Variants in KYAT3 observed in about 807,000 individuals in gnomAD.
KYAT3 encodes the protein kynurenine--oxoglutarate transaminase 3.
In KYAT3, 50 loss-of-function variants were observed where a neutral mutation model predicts 59.0. The ratio of observed to expected loss-of-function variants is 0.85; its 90% CI spans 0.68 to 1.07. The LOEUF is 1.07. Among genes scored for constraint, KYAT3 ranks in the 50% least tolerant of loss-of-function variants. The probability of loss-of-function intolerance (pLI) is 0.00; values close to 1 mark genes in which losing one functional copy is unlikely to be tolerated. For synonymous variants in KYAT3, 148 were observed against 177.0 expected, an observed-to-expected ratio of 0.84 and a Z score of 1.30; for missense variants, 497 against 533.3, an observed-to-expected ratio of 0.93 and a Z score of 0.67.
intron 9 of KYAT3, 92 bp downstream of exon 9, chr1:88,955,057 T>C (rs947640847): frequency 3.6e-5 from 30 of 844,548 alleles, no homozygotes; most frequent in African/African-American, 6.8e-5. Flanking sequence ...TGAGCCACCA[T>C]GCCTGGCCAG....
At chr1:88,974,801 C>T (rs374484059) in intron 2 of KYAT3, among the ~76,000 whole-genome samples, 2 of 152,022 alleles carry the variant, frequency 1.3e-5, no homozygotes, top group East Asian at 3.9e-4. Context: ...CAAATCAGCA[C>T]TCTGTGTCTA....
the KYAT3 span, among the ~76,000 whole-genome samples, chr1:88,928,711 TGCTAGACCATTGAGG>T: frequency 6.6e-6 from 1 of 152,226 alleles, no homozygotes; most frequent in South Asian, 2.1e-4. Context: ...GCCCCAGGTA[TGCTAGACCATTGAGG>T]GCCAGGAGGT....
the KYAT3 span, among the ~76,000 whole-genome samples, chr1:88,929,171 A>G: frequency 6.6e-6 from 1 of 152,174 alleles, no homozygotes; most frequent in African/African-American, 2.4e-5. Context: ...CAAGGACTCC[A>G]AAAGATTGTT....
At chr1:88,944,980 A>G (rs1675381737) in intron 11 of KYAT3, among the ~76,000 whole-genome samples, 1 of 152,076 alleles carries the variant, frequency 6.6e-6, no homozygotes, top group Non-Finnish European at 1.5e-5. Context: ...AGTAGCTAGG[A>G]TTACAGGTAT....
Position 88,975,818 on chromosome 1 carries a change from T to C in KYAT3, c.100-6351A>G, listed in dbSNP as rs532196258. Among the ~76,000 whole-genome samples the C allele has an allele frequency of 2.6e-5, 4 of 151,502 alleles. No individual in the cohort carries two copies. The South Asian group carries it at 8.4e-4, about 32-fold the overall frequency. On this transcript the variant is annotated intron_variant, in intron 2 of 13. Coordinates refer to ENST00000260508, the MANE Select transcript of KYAT3 (RefSeq NM_001008661.3). ...GGGAGGCTGGGGTGGGTGGACCACC[T>C]GAGGTCAGGAGTTCAAGACCATCCT...
At chr1:88,926,314 A>T in the KYAT3 span, among the ~76,000 whole-genome samples, 1 of 152,140 alleles carries the variant, frequency 6.6e-6, no homozygotes, top group Non-Finnish European at 1.5e-5. Flanking sequence ...CCTAGGAGGA[A>T]CTCCCTTCAG....
chr1:88,960,581 A>G (rs1405760721), intron 8 of KYAT3, among the ~76,000 whole-genome samples: 1 of 152,186 alleles, frequency 6.6e-6, no homozygotes, highest in Non-Finnish European at 1.5e-5. Context: ...GGATATTTGA[A>G]GTCAGGTGGA....
At chr1:88,967,095 CAT>C (rs1408051685) in intron 4 of KYAT3, among the ~76,000 whole-genome samples, 9 of 152,066 alleles carry the variant, frequency 5.9e-5, no homozygotes, top group African/African-American at 2.2e-4. Context: ...TGCACACACA[CAT>C]ATCTGGATTT....
chr1:88,947,693 C>A (rs1329598352), intron 11 of KYAT3, among the ~76,000 whole-genome samples: 2 of 152,192 alleles, frequency 1.3e-5, no homozygotes, highest in Non-Finnish European at 1.5e-5. Flanking sequence ...GAGAGACAGA[C>A]CTGAAGACCA....
At chr1:88,934,013 C>T (rs905299741), downstream of KYAT3, among the ~76,000 whole-genome samples, 7 of 152,156 alleles carry the variant, frequency 4.6e-5, no homozygotes, top group Admixed American at 2.0e-4. Context: ...CTTATTGGTA[C>T]GATCCTAGTT....
chr1:88,984,734 C>T (rs902638626), intron 2 of KYAT3, among the ~76,000 whole-genome samples: 30 of 152,174 alleles, frequency 2.0e-4, no homozygotes, highest in African/African-American at 7.2e-4. Context: ...CTGATATTTG[C>T]AGGGCTAGAA....
the KYAT3 span, among the ~76,000 whole-genome samples, chr1:88,925,254 T>A: frequency 6.6e-6 from 1 of 152,202 alleles, no homozygotes; most frequent in African/African-American, 2.4e-5. Context: ...CCGGTTGAGA[T>A]CATGGCACAG....
chr1:88,967,073 GGCACACACACAT>G (rs1009163049), intron 4 of KYAT3, among the ~76,000 whole-genome samples: 8 of 151,616 alleles, frequency 5.3e-5, no homozygotes, highest in African/African-American at 1.2e-4. Context: ...TATACACACA[GGCACACACACAT>G]GCACACACAC....
chr1:88,935,374 GA>G (rs1474450246), downstream of KYAT3, among the ~76,000 whole-genome samples: 10 of 103,894 alleles, frequency 9.6e-5, no homozygotes, highest in South Asian at 2.7e-4. Context: ...GAGAGAGAGA[GA>G]GAAAAAAAAA....
At chr1:88,967,019 A>G (rs1676374859) in intron 4 of KYAT3, among the ~76,000 whole-genome samples, 1 of 152,090 alleles carries the variant, frequency 6.6e-6, no homozygotes, top group Non-Finnish European at 1.5e-5. Flanking sequence ...CTGCATTCCT[A>G]TGGTAAACCT....
At chr1:88,938,354 A>G (rs55938305) in intron 13 of KYAT3, among the ~76,000 whole-genome samples, 1 of 152,004 alleles carries the variant, frequency 6.6e-6, no homozygotes, top group South Asian at 2.1e-4. Context: ...TTAAAATTGT[A>G]TATTTTTTAT....
intron 10 of KYAT3, among the ~76,000 whole-genome samples, chr1:88,952,676 A>C (rs1164276692): frequency 6.6e-6 from 1 of 152,154 alleles, no homozygotes; most frequent in Non-Finnish European, 1.5e-5. Context: ...TCTTTTCTTT[A>C]TAAATTACTA....
intron 5 of KYAT3, among the ~76,000 whole-genome samples, chr1:88,963,122 G>C (rs1676212919): frequency 6.6e-6 from 1 of 151,830 alleles, no homozygotes; most frequent in Non-Finnish European, 1.5e-5. Flanking sequence ...AAGGACATTA[G>C]ATAATTTCAG....
chr1:88,991,982 G>GTT (rs1368135539), intron 1 of KYAT3, among the ~76,000 whole-genome samples: 3 of 21,048 alleles, frequency 1.4e-4, no homozygotes, highest in African/African-American at 5.5e-4. Flanking sequence ...GTATTCTTTT[G>GTT]GTTTTTTTTT....
Sources: gnomAD v4.1 joint callset for allele counts (sites outside exome capture counted in the v4.1 genomes callset) on GRCh38, gnomAD v4.1.1 for gene constraint, MANE v1.5 for transcripts, NCBI Gene and HGNC (gene_info 2026-07-23, HGNC 2026-07-21) for gene names.